The following VAV3 variants were observed in gnomAD, a reference collection of about 807,000 sequenced individuals.
VAV3 encodes the protein vav guanine nucleotide exchange factor 3.
VAV3 carries 94 observed loss-of-function variants against 131.2 expected under a neutral mutation model. The observed-to-expected ratio is 0.72, with a 90% CI of 0.61 to 0.85. The LOEUF (loss-of-function observed/expected upper bound fraction) is 0.85. Ranked by LOEUF, VAV3 falls within the 40% of genes least tolerant of loss-of-function variation. VAV3 has a pLI of 0.00. For synonymous variants in VAV3, 349 were observed against 342.0 expected, an observed-to-expected ratio of 1.02 and a Z score of -0.22; for missense variants, 939 against 1,002.7, an observed-to-expected ratio of 0.94 and a Z score of 0.86.
intron 12 of VAV3, among the ~76,000 whole-genome samples, chr1:107,752,029 T>C (rs541079700): frequency 6.6e-6 from 1 of 152,198 alleles, no homozygotes; most frequent in South Asian, 2.1e-4. Context: ...TTCTGAATAG[T>C]CAAAACAATC....
intron 20 of VAV3, among the ~76,000 whole-genome samples, chr1:107,623,291 T>C (rs1022685174): frequency 6.6e-6 from 1 of 152,232 alleles, no homozygotes; most frequent in Admixed American, 6.5e-5. Flanking sequence ...AAAGAATTAA[T>C]ATGCATGAAA....
chr1:107,815,927 C>G (rs778563007), intron 2 of VAV3, among the ~76,000 whole-genome samples: 1 of 152,112 alleles, frequency 6.6e-6, no homozygotes, highest in Non-Finnish European at 1.5e-5. Context: ...AACTGTTCTA[C>G]GTCAGATCAT....
intron 1 of VAV3, among the ~76,000 whole-genome samples, chr1:107,885,427 G>GT (rs1290499299): frequency 2.0e-5 from 3 of 148,798 alleles, no homozygotes; most frequent in East Asian, 2.0e-4. Context: ...AGTACCAACA[G>GT]TTAAAAAAAA....
At chr1:107,793,492 C>G (rs1250078682) in intron 2 of VAV3, among the ~76,000 whole-genome samples, 1 of 152,170 alleles carries the variant, frequency 6.6e-6, no homozygotes, top group African/African-American at 2.4e-5. Flanking sequence ...GCCTTATTCA[C>G]TGCAGTATCC....
At chr1:107,918,662 G>T (rs1259562621) in intron 1 of VAV3, among the ~76,000 whole-genome samples, 1 of 147,398 alleles carries the variant, frequency 6.8e-6, no homozygotes, top group Non-Finnish European at 1.5e-5. Flanking sequence ...TAGTTTTAAG[G>T]CATATATATA....
chr1:107,904,575 C>T (rs1672014972), intron 1 of VAV3, among the ~76,000 whole-genome samples: 1 of 152,192 alleles, frequency 6.6e-6, no homozygotes, highest in Non-Finnish European at 1.5e-5. Context: ...ATTTCTGCCC[C>T]CAACCACTGT....
intron 2 of VAV3, among the ~76,000 whole-genome samples, chr1:107,800,562 T>C (rs1666780770): frequency 6.6e-6 from 1 of 152,144 alleles, no homozygotes; most frequent in South Asian, 2.1e-4. Context: ...ATTCAGGAGG[T>C]ATATGTGCAG....
At chr1:107,624,479 T>C (rs1440560580) in intron 20 of VAV3, among the ~76,000 whole-genome samples, 1 of 151,708 alleles carries the variant, frequency 6.6e-6, no homozygotes, top group Non-Finnish European at 1.5e-5. Context: ...CCAGTCTACA[T>C]GTAGGTAAGC....
intron 1 of VAV3, among the ~76,000 whole-genome samples, chr1:107,923,491 TA>T (rs982515229): frequency 7.9e-5 from 12 of 151,224 alleles, no homozygotes; most frequent in East Asian, 1.9e-4. Flanking sequence ...ACACTGCTAT[TA>T]AAAAAAAATA....
chr1:107,615,964 G>T (rs1325233010), intron 21 of VAV3, among the ~76,000 whole-genome samples: 2 of 152,196 alleles, frequency 1.3e-5, no homozygotes, highest in Non-Finnish European at 2.9e-5. Flanking sequence ...ATGCTGACAA[G>T]GTTGCAGAGA....
At chr1:107,867,481 G>A (rs1670049201) in intron 2 of VAV3, among the ~76,000 whole-genome samples, 1 of 152,134 alleles carries the variant, frequency 6.6e-6, no homozygotes. Context: ...ACAAAGGAGG[G>A]CAATAGTGCT....
At chr1:107,861,095 T>C (rs960993418) in intron 2 of VAV3, among the ~76,000 whole-genome samples, 3 of 151,578 alleles carry the variant, frequency 2.0e-5, no homozygotes, top group Non-Finnish European at 4.4e-5. Context: ...TTAAGAAATT[T>C]CTGTTACATC....
intron 17 of VAV3, among the ~76,000 whole-genome samples, chr1:107,697,328 G>A (rs1030415504): frequency 2.0e-5 from 3 of 152,136 alleles, no homozygotes; most frequent in Non-Finnish European, 4.4e-5. Flanking sequence ...ATGAGCATTC[G>A]GTGTTACCGG....
At chr1:107,672,056 C>T (rs1289517584) in intron 19 of VAV3, 1 of 151,938 alleles carries the variant, frequency 6.6e-6, no homozygotes, top group East Asian at 1.9e-4. Flanking sequence ...TTACATGAGG[C>T]CAAGAGTTTG....
chr1:107,600,677 G>A (rs997648627), intron 24 of VAV3, among the ~76,000 whole-genome samples: 2 of 151,954 alleles, frequency 1.3e-5, no homozygotes, highest in Non-Finnish European at 2.9e-5. Flanking sequence ...TATAATCACA[G>A]CTTTTACATG....
In VAV3 at chr1:107,751,106, T is replaced by C; in HGVS notation, c.1259+11A>G. On this transcript the variant is annotated intron_variant, in intron 13 of 26. Transcript: ENST00000370056. ...TTACTTATTTTGAAAATAGTATTCT[T>C]CTTTTCTTACCTTTCTTGTTTGGTA... 1 of 1,606,216 alleles carries C rather than the reference T, an allele frequency of 6.2e-7. No individual in the cohort carries two copies. The highest frequency in any genetic ancestry group is 8.5e-7 in the Non-Finnish European group (1 of 1,177,198).
At position 107,880,712 on chromosome 1, in the gene VAV3, C is replaced by T. The variant is rs148094975; in HGVS notation, c.205-5695G>A. On this transcript the variant is annotated intron_variant, in intron 1 of 26. Transcript: ENST00000370056. Reference sequence around the variant, plus strand: ...TGGGGAGGCTGAGGCATGATAATCCCTTGAACCTGGGAAATGGAGGTTGCA... The same window carrying T: ...TGGGGAGGCTGAGGCATGATAATCCTTTGAACCTGGGAAATGGAGGTTGCA... Among the ~76,000 whole-genome samples the T allele has an allele frequency of 2.0e-3, 308 of 151,888 alleles. 2 individuals carry two copies. Among genetic ancestry groups the T allele is most frequent in the African/African-American group, 7.0e-3 (292 of 41,432 alleles).
intron 1 of VAV3, among the ~76,000 whole-genome samples, chr1:107,900,568 T>C (rs184794217): frequency 6.6e-6 from 1 of 152,320 alleles, no homozygotes; most frequent in Non-Finnish European, 1.5e-5. Flanking sequence ...GTCAAGATCA[T>C]TGTAAACCAT....
At chr1:107,852,293 T>C (rs530622611) in intron 2 of VAV3, among the ~76,000 whole-genome samples, 3 of 152,322 alleles carry the variant, frequency 2.0e-5, no homozygotes, top group Non-Finnish European at 4.4e-5. Context: ...AAGACTCAGG[T>C]ATGTTCCTAA....
Sources: allele counts gnomAD v4.1 joint callset (sites outside exome capture counted in the v4.1 genomes callset), GRCh38; gene constraint gnomAD v4.1.1; transcripts MANE v1.5; gene names NCBI Gene and HGNC (gene_info 2026-07-23, HGNC 2026-07-21).